The following CSMD3 variants were observed in gnomAD, a reference collection of about 807,000 sequenced individuals.
The protein encoded by CSMD3 is CUB and Sushi multiple domains 3.
In CSMD3, 177 loss-of-function variants were observed where a neutral mutation model predicts 435.2. That is an observed-to-expected ratio of 0.41 (90% confidence interval 0.36 to 0.46). The LOEUF is 0.46. CSMD3 is among the 20% of genes least tolerant of loss of function. CSMD3 has a pLI of 0.34. For synonymous variants in CSMD3, 1,656 were observed against 1,520.5 expected (o/e 1.09, Z -2.07); for missense variants, 4,265 against 4,504.6 (o/e 0.95, Z 1.52).
chr8:112,236,098 T>C (rs1813569850), intron 67 of CSMD3, among the ~76,000 whole-genome samples: 1 of 151,968 alleles, frequency 6.6e-6, no homozygotes, highest in Admixed American at 6.6e-5. Flanking sequence ...CTAATATTTT[T>C]ACTTTGTGTT....
In CSMD3 at chr8:113,237,824, C is replaced by A. The variant is rs137885830; in HGVS notation, c.514+40768G>T. Among the ~76,000 whole-genome samples, 323 of 152,206 alleles carry A rather than the reference C, an allele frequency of 2.1e-3. 3 individuals are homozygous for A. Among genetic ancestry groups the A allele is most frequent in the African/African-American group, 7.5e-3 (310 of 41,532 alleles). Reference sequence around the variant, plus strand: ...GGGAGCGATAGCTCATGCCTGTAATCCCAGCACTTTGGGAGGCCGAGGTGG... The same window carrying A: ...GGGAGCGATAGCTCATGCCTGTAATACCAGCACTTTGGGAGGCCGAGGTGG... On this transcript the variant is annotated intron_variant, in intron 3 of 70. Transcript: ENST00000297405.
chr8:113,324,289 G>A (rs568947196), intron 1 of CSMD3, among the ~76,000 whole-genome samples: 3 of 152,140 alleles, frequency 2.0e-5, no homozygotes, highest in East Asian at 1.9e-4. Flanking sequence ...AAGACTTCAC[G>A]GCAGCCCCTC....
intron 13 of CSMD3, among the ~76,000 whole-genome samples, chr8:112,758,509 T>C (rs1327314364): frequency 1.3e-5 from 2 of 152,168 alleles, no homozygotes; most frequent in Non-Finnish European, 2.9e-5. Context: ...GGTCTAATCT[T>C]GACACGAGTC....
intron 49 of CSMD3, among the ~76,000 whole-genome samples, chr8:112,312,756 A>C (rs887095240): frequency 6.6e-6 from 1 of 152,224 alleles, no homozygotes; most frequent in South Asian, 2.1e-4. Flanking sequence ...GGAATTAAAC[A>C]GAATTATTCT....
chr8:112,267,598 G>A (rs530590736), intron 59 of CSMD3, among the ~76,000 whole-genome samples: 1 of 152,158 alleles, frequency 6.6e-6, no homozygotes, highest in Admixed American at 6.6e-5. Context: ...CACCTATAAA[G>A]TGTTGTTGTT....
intron 59 of CSMD3, among the ~76,000 whole-genome samples, chr8:112,279,013 AAACAACAACAACAACAACAAC>A (rs200149218): frequency 1.9e-4 from 23 of 119,234 alleles, no homozygotes; most frequent in African/African-American, 2.6e-5. Flanking sequence ...CACCCCCAAA[AAACAACAACAACAACAACAAC>A]AACAACAACA....
chr8:113,117,131 C>T (rs1465620697), intron 4 of CSMD3, among the ~76,000 whole-genome samples: 1 of 152,216 alleles, frequency 6.6e-6, no homozygotes, highest in East Asian at 1.9e-4. Flanking sequence ...AAAAATGTCT[C>T]CATGGCATGT....
In CSMD3 at chr8:112,859,206, G is replaced by A. The variant is rs770488162; in HGVS notation, c.1694C>T (p.Pro565Leu). ...TTGTGCATTGCTGTCATACTGGAAC[G>A]GAAAGTTGGGAGATGTAAAGGTACC... is the stretch of plus-strand genomic sequence containing the variant. The part of the protein sequence containing the change: ...PSGTFTSPNF[P>L]FQYDSNAQCV... Residue 565 changes from proline to leucine, a missense_variant, in exon 11 of 71, where the codon CCG (proline) becomes CTG (leucine). Transcript: ENST00000297405. The A allele has an allele frequency of 6.2e-6, 10 of 1,610,540 alleles. No homozygotes were observed. Among genetic ancestry groups the A allele is most frequent in the Non-Finnish European group, 8.5e-6 (10 of 1,177,278 alleles).
chr8:112,555,859 T>A (rs1429953046), intron 25 of CSMD3, among the ~76,000 whole-genome samples: 2 of 151,968 alleles, frequency 1.3e-5, no homozygotes, highest in Non-Finnish European at 1.5e-5. Context: ...ATTAAATATG[T>A]GTAGTTTTTT....
intron 42 of CSMD3, among the ~76,000 whole-genome samples, chr8:112,340,866 G>A (rs1244935311): frequency 1.3e-5 from 2 of 152,016 alleles, no homozygotes; most frequent in Admixed American, 6.6e-5. Flanking sequence ...GAGCAAGGCC[G>A]AGGCCACATT....
chr8:113,065,206 T>C (rs968077234), intron 5 of CSMD3, among the ~76,000 whole-genome samples: 4 of 152,196 alleles, frequency 2.6e-5, no homozygotes, highest in South Asian at 2.1e-4. Flanking sequence ...AAATTGTTTG[T>C]TGATTTCAGC....
At chr8:112,232,430 A>G (rs1436764922) in intron 68 of CSMD3, among the ~76,000 whole-genome samples, 1 of 152,076 alleles carries the variant, frequency 6.6e-6, no homozygotes, top group Non-Finnish European at 1.5e-5. Context: ...CAACATGGTA[A>G]AACCCCCGTC....
chr8:112,754,578 G>C (rs2077647352), intron 13 of CSMD3, among the ~76,000 whole-genome samples: 1 of 152,120 alleles, frequency 6.6e-6, no homozygotes, highest in Non-Finnish European at 1.5e-5. Context: ...GAAATTAGAC[G>C]TTAAAACCAG....
At chr8:113,380,461 A>T (rs2133102056) in intron 1 of CSMD3, among the ~76,000 whole-genome samples, 1 of 152,324 alleles carries the variant, frequency 6.6e-6, no homozygotes, top group African/African-American at 2.4e-5. Context: ...TTAGAAAAAA[A>T]AGAAAGAATT....
chr8:112,822,250 A>AT (rs1209489387), intron 12 of CSMD3, among the ~76,000 whole-genome samples: 6 of 152,206 alleles, frequency 3.9e-5, no homozygotes, highest in East Asian at 3.9e-4. Flanking sequence ...TAGTATGGCC[A>AT]TTTTCACGAT....
chr8:112,909,972 T>G (rs2082362376), intron 10 of CSMD3, among the ~76,000 whole-genome samples: 1 of 151,810 alleles, frequency 6.6e-6, no homozygotes, highest in Non-Finnish European at 1.5e-5. Context: ...GGATATGATA[T>G]GTGTAATTAA....
intron 5 of CSMD3, among the ~76,000 whole-genome samples, chr8:113,089,041 CT>C (rs1368299813): frequency 6.6e-6 from 1 of 151,708 alleles, no homozygotes; most frequent in East Asian, 1.9e-4. Context: ...CGTGTTCTTT[CT>C]TTTTTTTCTT....
chr8:113,352,264 T>C (rs140646610), intron 1 of CSMD3, among the ~76,000 whole-genome samples: 2 of 151,530 alleles, frequency 1.3e-5, no homozygotes, highest in Non-Finnish European at 3.0e-5. Context: ...CGTATGCCTG[T>C]AAGAAACGGA....
rs552294117 is a variant in CSMD3, at chr8:113,224,593, C to T, written c.515-50677G>A. ...TTGTGAACAGTAAATACATTAGAGG[C>T]AACTAAAATATGTTATTACATGGAT... On this transcript the variant is annotated intron_variant, in intron 3 of 70. Transcript: ENST00000297405. Among the ~76,000 whole-genome samples the T allele has an allele frequency of 1.1e-4, 16 of 151,172 alleles. No homozygotes were observed. The South Asian group carries it at 3.1e-3, about 29-fold the overall frequency.
Sources: allele counts gnomAD v4.1 joint callset (sites outside exome capture counted in the v4.1 genomes callset), GRCh38; gene constraint gnomAD v4.1.1; transcripts MANE v1.5; gene names NCBI Gene and HGNC (gene_info 2026-07-23, HGNC 2026-07-21).